Variants in ADGRL2 observed in about 807,000 individuals in gnomAD.
The protein encoded by ADGRL2 is calcium-independent alpha-latrotoxin receptor 2.
A neutral mutation model predicts 157.4 loss-of-function variants in ADGRL2; 44 were observed. That is an observed-to-expected ratio of 0.28 (90% CI 0.22 to 0.36). The LOEUF (loss-of-function observed/expected upper bound fraction) is 0.36, where lower values mean the gene tolerates loss of function less well. Ranked by LOEUF, ADGRL2 falls within the 10% of genes least tolerant of loss-of-function variation. The probability of loss-of-function intolerance (pLI) is 1.00; values close to 1 mark genes in which losing one functional copy is unlikely to be tolerated. For synonymous variants in ADGRL2, 585 were observed against 624.7 expected, an observed-to-expected ratio of 0.94 and a Z score of 0.95; for missense variants, 1,510 against 1,768.9, an observed-to-expected ratio of 0.85 and a Z score of 2.63.
chr1:81,523,783 G>A (rs985498775), intron 2 of ADGRL2, among the ~76,000 whole-genome samples: 1 of 152,122 alleles, frequency 6.6e-6, no homozygotes, highest in Admixed American at 6.5e-5. Flanking sequence ...TAAAAATCGG[G>A]CCTGGTACGG....
At chr1:81,473,066 A>G (rs1312853937) in intron 2 of ADGRL2, among the ~76,000 whole-genome samples, 7 of 90,060 alleles carry the variant, frequency 7.8e-5, no homozygotes, top group African/African-American at 1.7e-4. Context: ...TAAGCAAATT[A>G]GAGATAGAGG....
chr1:81,778,776 A>G (rs1373397723), intron 2 of ADGRL2, among the ~76,000 whole-genome samples: 1 of 152,128 alleles, frequency 6.6e-6, no homozygotes, highest in Non-Finnish European at 1.5e-5. Context: ...CGGTCAAGAG[A>G]CGTTTTGGCA....
At chr1:81,531,902 C>G (rs1365044041) in intron 2 of ADGRL2, among the ~76,000 whole-genome samples, 1 of 152,134 alleles carries the variant, frequency 6.6e-6, no homozygotes, top group East Asian at 1.9e-4. Flanking sequence ...CACCGTAAAA[C>G]CTGGACCTAC....
intron 1 of ADGRL2, among the ~76,000 whole-genome samples, chr1:81,392,019 T>C (rs551204010): frequency 3.9e-5 from 6 of 152,076 alleles, no homozygotes; most frequent in Non-Finnish European, 7.4e-5. Flanking sequence ...TGGGAGAACG[T>C]AAGTCACAAA....
chr1:81,614,419 C>T (rs2081602554), intron 3 of ADGRL2, among the ~76,000 whole-genome samples: 3 of 152,178 alleles, frequency 2.0e-5, no homozygotes, highest in African/African-American at 7.2e-5. Flanking sequence ...TAACTGGGGA[C>T]TGTGTATATT....
chr1:81,932,193 AT>A (rs1222900443), intron 3 of ADGRL2, among the ~76,000 whole-genome samples: 1 of 152,150 alleles, frequency 6.6e-6, no homozygotes, highest in Non-Finnish European at 1.5e-5. Context: ...CAAAAGTTTT[AT>A]TTCCAATTTT....
chr1:81,531,170 A>G (rs1469803138), intron 2 of ADGRL2, among the ~76,000 whole-genome samples: 3 of 152,180 alleles, frequency 2.0e-5, no homozygotes, highest in Non-Finnish European at 4.4e-5. Context: ...TTAAAAGAAG[A>G]AAGAAACTTT....
intron 2 of ADGRL2, among the ~76,000 whole-genome samples, chr1:81,872,005 C>G (rs2093708805): frequency 1.3e-5 from 2 of 152,064 alleles, no homozygotes; most frequent in Non-Finnish European, 2.9e-5. Context: ...AAGTCCTTGC[C>G]CATGCCTATG....
chr1:81,870,227 T>C (rs2093657392), intron 2 of ADGRL2, among the ~76,000 whole-genome samples: 1 of 122,596 alleles, frequency 8.2e-6, no homozygotes, highest in African/African-American at 3.0e-5. Context: ...AAAACACCTT[T>C]TATTTACTCC....
chr1:81,494,095 A>G (rs1433899709), intron 2 of ADGRL2, among the ~76,000 whole-genome samples: 3 of 152,172 alleles, frequency 2.0e-5, no homozygotes, highest in African/African-American at 7.2e-5. Context: ...GACAATGTTC[A>G]GTGATCTAAT....
Position 81,993,502 on chromosome 1 carries a change from T to C in ADGRL2, c.*2357T>C, listed in dbSNP as rs1183745239. Among the ~76,000 whole-genome samples the C allele has an allele frequency of 6.6e-6, 1 of 152,146 alleles. No individual in the cohort carries two copies. Among genetic ancestry groups the C allele is most frequent in the Admixed American group, 6.6e-5 (1 of 15,256 alleles). On this transcript the variant is annotated 3_prime_UTR_variant, in exon 24 of 24. Coordinates refer to ENST00000686636, the MANE Select transcript of ADGRL2 (RefSeq NM_001366006.2). ...GGCAGTTCTCAAAACTCTAAAGACA[T>C]GAACACTGCATCGTACCTAAATGGC...
At chr1:81,787,646 C>A (rs1251158217) in intron 2 of ADGRL2, among the ~76,000 whole-genome samples, 1 of 151,044 alleles carries the variant, frequency 6.6e-6, no homozygotes, top group Non-Finnish European at 1.5e-5. Context: ...CAGAGCAAGA[C>A]ACTTGTCTCA....
intron 1 of ADGRL2, among the ~76,000 whole-genome samples, chr1:81,827,746 G>A (rs11163385): frequency 0.4 from 60,565 of 151,818 alleles, 12,593 homozygotes; most frequent in Middle Eastern, 0.6. Flanking sequence ...TGCATTTTTA[G>A]TAGAGATGGG....
At chr1:81,350,871 C>T (rs978714530) in intron 1 of ADGRL2, among the ~76,000 whole-genome samples, 2 of 152,064 alleles carry the variant, frequency 1.3e-5, no homozygotes, top group African/African-American at 4.8e-5. Flanking sequence ...TATCTTTGAT[C>T]ATGAAAAGAA....
chr1:81,329,083 G>T (rs1381748373), intron 1 of ADGRL2, among the ~76,000 whole-genome samples: 1 of 92,070 alleles, frequency 1.1e-5, no homozygotes, highest in Admixed American at 1.2e-4. Context: ...AGAAGAAGTC[G>T]AGTTTTCACG....
chr1:81,983,532 G>T (rs1333914026), intron 19 of ADGRL2, among the ~76,000 whole-genome samples: 2 of 152,050 alleles, frequency 1.3e-5, no homozygotes, highest in Non-Finnish European at 2.9e-5. Flanking sequence ...CAAAGTCATG[G>T]TCTTTACAGG....
In ADGRL2 at chr1:81,501,652, C is replaced by T. The variant is rs1324321332; in HGVS notation, c.-248+56563C>T. 4.4e-6 allele frequency: 6 copies of T among 1,357,180 alleles called. No individual in the cohort carries two copies. In the African/African-American group the frequency reaches 5.8e-5, roughly 13 times the overall value. The allele number at this position is 1,357,180 out of a possible 1,614,324, so 84.1% of individuals were successfully genotyped here. A position where few individuals can be genotyped will look rare whatever the true frequency, so the allele number is the denominator to read the frequency against. ...GCTGCCGCGCCTGGGCCTGAGCGGC[C>T]GCCTCCTCCGCCACCCGAAAACCCG... On this transcript the variant is annotated intron_variant, in intron 2 of 24. Transcript: ENST00000370721.
At chr1:81,510,863 GA>G (rs2079063215) in intron 2 of ADGRL2, among the ~76,000 whole-genome samples, 1 of 152,042 alleles carries the variant, frequency 6.6e-6, no homozygotes, top group Admixed American at 6.5e-5. Flanking sequence ...ATTTGACAAG[GA>G]AAAAAATAGC....
At chr1:81,685,027 G>A (rs1442835776) in intron 3 of ADGRL2, among the ~76,000 whole-genome samples, 1 of 152,076 alleles carries the variant, frequency 6.6e-6, no homozygotes, top group East Asian at 1.9e-4. Flanking sequence ...ATGCTGTTTG[G>A]GTAACTATGG....
Sources: gnomAD v4.1 joint callset for allele counts (sites outside exome capture counted in the v4.1 genomes callset) on GRCh38, gnomAD v4.1.1 for gene constraint, MANE v1.5 for transcripts, NCBI Gene and HGNC (gene_info 2026-07-23, HGNC 2026-07-21) for gene names.